KAZN: variants seen among roughly 807,000 people sequenced by gnomAD.
The protein encoded by KAZN is kazrin, periplakin interacting protein, also known as kazrin.
KAZN carries 40 observed loss-of-function variants against 87.4 expected under a neutral mutation model. The observed-to-expected ratio is 0.46, with a 90% confidence interval of 0.36 to 0.60. The LOEUF is 0.60. Ranked by LOEUF, KAZN falls within the 20% of genes least tolerant of loss-of-function variation. KAZN has a pLI of 0.00. For synonymous variants in KAZN, 466 were observed against 458.3 expected, an observed-to-expected ratio of 1.02 and a Z score of -0.22; for missense variants, 898 against 1,073.9, an observed-to-expected ratio of 0.84 and a Z score of 2.29.
At chr1:14,436,516 G>A (rs547141555) in intron 2 of KAZN, among the ~76,000 whole-genome samples, 5 of 151,066 alleles carry the variant, frequency 3.3e-5, no homozygotes, top group African/African-American at 9.7e-5. Flanking sequence ...TCAGGAGTTC[G>A]AGACCAGCCT....
At chr1:13,942,588 C>T (rs911243621) in intron 1 of KAZN, among the ~76,000 whole-genome samples, 5 of 148,454 alleles carry the variant, frequency 3.4e-5, no homozygotes, top group African/African-American at 4.9e-5. Flanking sequence ...ATATATAATT[C>T]ACCAACACCT....
intron 1 of KAZN, among the ~76,000 whole-genome samples, chr1:14,755,064 A>T (rs1231251855): frequency 7.4e-6 from 1 of 136,024 alleles, no homozygotes; most frequent in South Asian, 2.3e-4. Context: ...CAACATGGAG[A>T]AACCCCATCT....
intron 2 of KAZN, among the ~76,000 whole-genome samples, chr1:14,538,409 A>T: frequency 6.6e-6 from 1 of 152,346 alleles, no homozygotes; most frequent in East Asian, 1.9e-4. Context: ...GGTAATTTAT[A>T]AAGAATAGAA....
At chr1:14,174,580 G>C (rs933832117) in intron 1 of KAZN, among the ~76,000 whole-genome samples, 2 of 152,172 alleles carry the variant, frequency 1.3e-5, no homozygotes, top group Non-Finnish European at 2.9e-5. Flanking sequence ...TTTGTTTCTG[G>C]TGGGCTTGTG....
At chr1:14,487,774 G>T (rs536615141) in intron 2 of KAZN, among the ~76,000 whole-genome samples, 2 of 152,334 alleles carry the variant, frequency 1.3e-5, no homozygotes, top group Non-Finnish European at 2.9e-5. Flanking sequence ...AGATATTTTT[G>T]AGGGGTGAGC....
rs143233934 is a variant in KAZN, at chr1:14,654,283, G to A, written c.226+55060G>A. Among the ~76,000 whole-genome samples the A allele has an allele frequency of 6.7e-3, 718 of 107,690 alleles. 8 individuals are homozygous for A. The highest frequency in any genetic ancestry group is 0.031 in the African/African-American group (668 of 21,736). 70.6% of individuals were successfully genotyped at this position (107,690 alleles called of 152,430 possible). On this transcript the variant is annotated intron_variant, in intron 1 of 14. Transcript: ENST00000376030. ...GCCTGGGCAACAAGAGTGAGGCTTCGTCTCAAAAAAAAAAAAAAAAAAAAA... is the reference window on the plus strand; with the variant it reads ...GCCTGGGCAACAAGAGTGAGGCTTCATCTCAAAAAAAAAAAAAAAAAAAAA...
chr1:14,453,054 T>C (rs1319428497), intron 2 of KAZN, among the ~76,000 whole-genome samples: 2 of 152,050 alleles, frequency 1.3e-5, no homozygotes, highest in African/African-American at 2.4e-5. Context: ...CTCCCGGGTT[T>C]ATGCCATTCT....
chr1:14,834,518 C>T (rs1401891343), intron 1 of KAZN, among the ~76,000 whole-genome samples: 4 of 152,092 alleles, frequency 2.6e-5, no homozygotes, highest in East Asian at 1.9e-4. Flanking sequence ...CCCACCACCA[C>T]GCCCAGCTGA....
At chr1:14,067,115 C>T (rs1643038999) in intron 1 of KAZN, among the ~76,000 whole-genome samples, 1 of 151,950 alleles carries the variant, frequency 6.6e-6, no homozygotes, top group Non-Finnish European at 1.5e-5. Flanking sequence ...AACTTTTTTC[C>T]CTGACTCCTC....
intron 1 of KAZN, among the ~76,000 whole-genome samples, chr1:14,877,332 G>A (rs954834242): frequency 1.3e-5 from 2 of 152,142 alleles, no homozygotes; most frequent in Non-Finnish European, 2.9e-5. Flanking sequence ...ATATTTTCTA[G>A]AAGTTCCAGA....
chr1:14,283,620 C>G lies in KAZN; in HGVS notation c.249+103028C>G, dbSNP rs77965920. ...TGTTGAAGATGTGGAAAAATGGGAA[C>G]CCTTATACGTTGCTGGTGGGAATGC... On this transcript the variant is annotated intron_variant, in intron 2 of 16. Coordinates refer to the KAZN transcript ENST00000636203. 6.9e-3 allele frequency among the ~76,000 whole-genome samples: 1,049 copies of G among 152,194 alleles called. 14 individuals carry two copies. Among genetic ancestry groups the G allele is most frequent in the African/African-American group, 0.024 (981 of 41,512 alleles).
chr1:14,731,944 C>T (rs908368675), intron 1 of KAZN, among the ~76,000 whole-genome samples: 1 of 152,218 alleles, frequency 6.6e-6, no homozygotes, highest in Non-Finnish European at 1.5e-5. Context: ...GCTCAAGAAG[C>T]GACAGACTTG....
chr1:14,441,374 C>CA (rs1666695648), intron 2 of KAZN, among the ~76,000 whole-genome samples: 2 of 152,090 alleles, frequency 1.3e-5, no homozygotes, highest in Admixed American at 6.6e-5. Flanking sequence ...GCAGCGGCAG[C>CA]GGCAGCAGCA....
chr1:14,871,636 C>G (rs1477343385), intron 1 of KAZN, among the ~76,000 whole-genome samples: 1 of 135,382 alleles, frequency 7.4e-6, no homozygotes, highest in African/African-American at 2.7e-5. Context: ...CCTGAGACAT[C>G]TACATGAGCA....
chr1:14,490,109 C>T (rs1484437695), intron 2 of KAZN, among the ~76,000 whole-genome samples: 3 of 152,168 alleles, frequency 2.0e-5, no homozygotes, highest in Admixed American at 2.0e-4. Flanking sequence ...TTGTGCTGGA[C>T]AGTTTGGCAT....
intron 1 of KAZN, among the ~76,000 whole-genome samples, chr1:14,645,744 C>T (rs1026962330): frequency 2.0e-5 from 3 of 152,190 alleles, no homozygotes. Context: ...TTATTTCTTT[C>T]TCTTGCCCGA....
At chr1:14,994,816 C>T (rs1667713526) in intron 2 of KAZN, among the ~76,000 whole-genome samples, 1 of 152,202 alleles carries the variant, frequency 6.6e-6, no homozygotes, top group Non-Finnish European at 1.5e-5. Context: ...ATCAAACCTG[C>T]CTTATAAGAG....
At chr1:14,236,066 C>G (rs970904196) in intron 2 of KAZN, among the ~76,000 whole-genome samples, 29 of 152,188 alleles carry the variant, frequency 1.9e-4, no homozygotes, top group Admixed American at 1.6e-3. Context: ...AGCTCCTTCC[C>G]CTTAATTTCC....
chr1:14,222,447 C>T (rs1169243322), intron 2 of KAZN, among the ~76,000 whole-genome samples: 1 of 152,156 alleles, frequency 6.6e-6, no homozygotes, highest in Non-Finnish European at 1.5e-5. Context: ...TCTTGGATAC[C>T]ACTTTTTATA....
Sources: gnomAD v4.1 joint callset for allele counts (sites outside exome capture counted in the v4.1 genomes callset) on GRCh38, gnomAD v4.1.1 for gene constraint, MANE v1.5 for transcripts, NCBI Gene and HGNC (gene_info 2026-07-23, HGNC 2026-07-21) for gene names.